Variants in FRYL observed in about 807,000 individuals in gnomAD.
FRYL encodes the protein protein furry homolog-like.
Under a neutral mutation model 351.2 loss-of-function variants are expected in FRYL, and 150 were observed. That is an observed-to-expected ratio of 0.43 (90% CI 0.37 to 0.49). FRYL has a LOEUF of 0.49. Among genes scored for constraint, FRYL ranks in the 20% least tolerant of loss-of-function variants. The probability of loss-of-function intolerance (pLI) is 0.00; values close to 1 mark genes in which losing one functional copy is unlikely to be tolerated. For missense variants in FRYL, 3,036 were observed against 3,619.3 expected, an observed-to-expected ratio of 0.84 and a Z score of 4.13; for synonymous variants, 1,153 against 1,257.1, an observed-to-expected ratio of 0.92 and a Z score of 1.75.
intron 1 of FRYL, among the ~76,000 whole-genome samples, chr4:48,747,975 G>A (rs1772853292): frequency 6.6e-6 from 1 of 152,230 alleles, no homozygotes; most frequent in African/African-American, 2.4e-5. Context: ...GCCAGGCGTG[G>A]TGGCTCACGC....
At chr4:48,590,564 T>G in intron 17 of FRYL, 95 bp downstream of exon 17, 7 of 923,310 alleles carry the variant, frequency 7.6e-6, no homozygotes, top group Non-Finnish European at 1.1e-5. Context: ...AAAACCATAT[T>G]AGGCAAATTT....
intron 35 of FRYL, among the ~76,000 whole-genome samples, chr4:48,556,329 G>T (rs577989726): frequency 6.6e-6 from 1 of 152,248 alleles, no homozygotes; most frequent in African/African-American, 2.4e-5. Context: ...TTAACCCTCA[G>T]GTTTCATAGT....
intron 53 of FRYL, chr4:48,523,373 C>T: frequency 2.9e-6 from 1 of 350,556 alleles, no homozygotes; most frequent in Non-Finnish European, 5.3e-6. Context: ...CCAAGTAAAT[C>T]TACTATCTAA....
rs548883378 is a variant in FRYL, at chr4:48,712,469, C to T, written c.-383-1771G>A. On this transcript the variant is annotated intron_variant, in intron 1 of 63. Transcript: ENST00000358350. ...GATCAACTGGAAGAAAGGGTATCAG[C>T]GATGGAAGATGAAATGAAAGAAATG... is the stretch of plus-strand genomic sequence containing the variant. Among the ~76,000 whole-genome samples the T allele has an allele frequency of 3.3e-3, 508 of 151,814 alleles. 5 individuals carry two copies. Among genetic ancestry groups the T allele is most frequent in the Non-Finnish European group, 5.1e-3 (348 of 67,942 alleles).
chr4:48,506,460 T>C (rs1462678893), intron 59 of FRYL: 2 of 151,400 alleles, frequency 1.3e-5, no homozygotes, highest in African/African-American at 2.4e-5. Flanking sequence ...CGTGGTATAG[T>C]AGAAAAGAAA....
Position 48,731,208 on chromosome 4 carries a change from C to A in FRYL, c.-383-20510G>T, listed in dbSNP as rs1251606092. On this transcript the variant is annotated intron_variant, in intron 1 of 63. Coordinates refer to ENST00000358350, the MANE Select transcript of FRYL (RefSeq NM_015030.2). ...CATATGCACCCAATACAGCAGCACC[C>A]AGATTCAAAAAGCAAGTTCTTAGAG... Among the ~76,000 whole-genome samples the A allele has an allele frequency of 2.0e-5, 3 of 152,138 alleles. No individual in the cohort carries two copies. In the East Asian group the frequency reaches 5.8e-4, roughly 29 times the overall value.
chr4:48,501,714 C>T lies in FRYL; in HGVS notation c.8501G>A (p.Arg2834Lys). The T allele has an allele frequency of 5.0e-6, 8 of 1,602,144 alleles. No homozygotes were observed. Among genetic ancestry groups the T allele is most frequent in the Non-Finnish European group, 6.8e-6 (8 of 1,169,872 alleles). Residue 2834 changes from arginine (R) to lysine (K), a missense_variant, in exon 62 of 64, where the codon AGA becomes AAA. This residue lies in a region of FRYL where 1,987 missense variants were observed against 2,311.7 expected (regional missense o/e 0.86). Coordinates refer to ENST00000358350, the MANE Select transcript of FRYL (RefSeq NM_015030.2). ...CAATTGAAAATGCAATTTGTATAAT[C>T]TTCGGCAGAGCTCCAATTCCTAGAA... Reference protein sequence around the residue: ...EILAELELCRRLYKLHFQLLL... With the variant: ...EILAELELCRKLYKLHFQLLL...
chr4:48,720,325 G>A (rs1163534739), intron 1 of FRYL, among the ~76,000 whole-genome samples: 2 of 151,118 alleles, frequency 1.3e-5, no homozygotes, highest in Non-Finnish European at 3.0e-5. Flanking sequence ...ACAAAACCCG[G>A]TCTCTACTAA....
rs184517559 is a variant in FRYL at position 48,755,999 on chromosome 4, C to T, written c.-384+24079G>A. Among the ~76,000 whole-genome samples the T allele has an allele frequency of 1.3e-4, 20 of 150,950 alleles. No individual in the cohort carries two copies. In the East Asian group the frequency reaches 3.5e-3, roughly 26 times the overall value. On this transcript the variant is annotated intron_variant, in intron 1 of 63. Coordinates refer to ENST00000358350, the MANE Select transcript of FRYL (RefSeq NM_015030.2). ...ACCAAATCCCAGAACTTTGGGAGGC[C>T]GAGGGAAGAGAACTGCTTGAGCCCA... is the stretch of plus-strand genomic sequence containing the variant.
chr4:48,575,945 T>C, intron 24 of FRYL, 85 bp downstream of exon 24: 1 of 1,111,992 alleles, frequency 9.0e-7, no homozygotes. Flanking sequence ...AGTTACTTTA[T>C]TGTCCATAAA....
intron 44 of FRYL, among the ~76,000 whole-genome samples, chr4:48,542,908 T>C (rs1377117656): frequency 6.6e-6 from 1 of 152,122 alleles, no homozygotes; most frequent in East Asian, 1.9e-4. Context: ...ATCACATCCA[T>C]CACCTTCCTT....
At chr4:48,510,198 T>C (rs770036701) in intron 58 of FRYL, 41 bp from the exon 59 acceptor site, 16 of 1,441,340 alleles carry the variant, frequency 1.1e-5, no homozygotes. Context: ...CCATTTCTGA[T>C]TGAAATCATG....
intron 56 of FRYL, 75 bp downstream of exon 56, chr4:48,514,933 TGAAAGTAAGTAAACTGAAAC>T: frequency 9.5e-7 from 1 of 1,054,492 alleles, no homozygotes; most frequent in Non-Finnish European, 1.4e-6. Context: ...CACAAAGAAA[TGAAAGTAAGTAAACTGAAAC>T]AGAGGGGCAC....
intron 33 of FRYL, among the ~76,000 whole-genome samples, chr4:48,558,027 G>A (rs1012462951): frequency 1.3e-5 from 2 of 152,034 alleles, no homozygotes; most frequent in Non-Finnish European, 2.9e-5. Context: ...AATAAAAATA[G>A]AACTATCATA....
intron 1 of FRYL, among the ~76,000 whole-genome samples, chr4:48,752,377 C>CTGGAGCTGGCCCT (rs1247203322): frequency 6.6e-6 from 1 of 152,166 alleles, no homozygotes; most frequent in African/African-American, 2.4e-5. Context: ...GGATCTGCCC[C>CTGGAGCTGGCCCT]TGGAGCTGGC....
chr4:48,670,926 T>C (rs1762551030), intron 3 of FRYL, among the ~76,000 whole-genome samples: 1 of 152,186 alleles, frequency 6.6e-6, no homozygotes, highest in African/African-American at 2.4e-5. Flanking sequence ...TGATATCTCT[T>C]TGATATACTG....
At chr4:48,666,380 A>G (rs906829168) in intron 3 of FRYL, among the ~76,000 whole-genome samples, 4 of 139,042 alleles carry the variant, frequency 2.9e-5, no homozygotes, top group Middle Eastern at 3.7e-3. Flanking sequence ...AAATAAATAA[A>G]AAGTAAATAA....
intron 3 of FRYL, among the ~76,000 whole-genome samples, chr4:48,671,112 T>C (rs1762588347): frequency 1.3e-5 from 2 of 152,186 alleles, no homozygotes; most frequent in Non-Finnish European, 2.9e-5. Flanking sequence ...CCAGCGTTTG[T>C]TACTGCCTGT....
chr4:48,626,217 C>T (rs1340849117), intron 4 of FRYL, among the ~76,000 whole-genome samples: 1 of 151,888 alleles, frequency 6.6e-6, no homozygotes, highest in Non-Finnish European at 1.5e-5. Context: ...TCCTCATTGT[C>T]AAATCTGTTT....
Sources: allele counts gnomAD v4.1 joint callset (sites outside exome capture counted in the v4.1 genomes callset), GRCh38; gene constraint gnomAD v4.1.1; regional missense constraint gnomAD v4.1.1; transcripts MANE v1.5; gene names NCBI Gene and HGNC (gene_info 2026-07-23, HGNC 2026-07-21).